CCDC15: variants seen among roughly 807,000 people sequenced by gnomAD.
The protein encoded by CCDC15 is coiled-coil domain containing 15, also known as coiled-coil domain-containing protein 15.
In CCDC15, 105 loss-of-function variants were observed where a neutral mutation model predicts 114.5. The observed-to-expected ratio is 0.92, with a 90% CI of 0.78 to 1.08. The LOEUF (loss-of-function observed/expected upper bound fraction) is 1.08. Among genes scored for constraint, CCDC15 ranks in the 50% least tolerant of loss-of-function variants. The probability of loss-of-function intolerance (pLI) is 0.00; values close to 1 mark genes in which losing one functional copy is unlikely to be tolerated. For synonymous variants in CCDC15, 334 were observed against 377.8 expected, an observed-to-expected ratio of 0.88 and a Z score of 1.34; for missense variants, 1,105 against 1,093.6, an observed-to-expected ratio of 1.01 and a Z score of -0.15.
intron 13 of CCDC15, among the ~76,000 whole-genome samples, chr11:125,027,125 T>G (rs1280317532): frequency 1.3e-5 from 2 of 152,218 alleles, no homozygotes; most frequent in Non-Finnish European, 2.9e-5. Context: ...ACGTTTTCTT[T>G]ATCCACTCAT....
chr11:125,028,714 C>T (rs9971559), intron 13 of CCDC15, among the ~76,000 whole-genome samples: 26,691 of 151,910 alleles, frequency 0.18, 2,561 homozygotes, highest in African/African-American at 0.24. Context: ...TTAGGGTTTT[C>T]TAGGTATATG....
At position 124,954,709 on chromosome 11, in the gene CCDC15, C is replaced by A. The variant is rs761650807; in HGVS notation, c.-9-15C>A. The A allele has an allele frequency of 9.3e-6, 15 of 1,610,596 alleles. No homozygotes were observed. The South Asian group carries it at 1.7e-4, about 18-fold the overall frequency. On this transcript the variant is annotated splice_polypyrimidine_tract_variant and intron_variant, in intron 1 of 15. Transcript: ENST00000344762. ...GTCATTTGAAGATTTTAAGCTTTTT[C>A]TTTCTCCTAATCAGGAGTCACAGAT...
intron 11 of CCDC15, among the ~76,000 whole-genome samples, chr11:124,998,822 C>G (rs1336686951): frequency 1.3e-5 from 2 of 150,470 alleles, no homozygotes; most frequent in African/African-American, 4.9e-5. Flanking sequence ...ACTGCAACCT[C>G]TGCTTCCCCA....
At chr11:125,024,149 T>A (rs969494461) in intron 13 of CCDC15, among the ~76,000 whole-genome samples, 11 of 152,044 alleles carry the variant, frequency 7.2e-5, no homozygotes, top group African/African-American at 2.2e-4. Flanking sequence ...TATATATGCA[T>A]GTATTCCCAG....
rs117389961 is a variant in CCDC15, at chr11:124,979,733, C to T, written c.753+2133C>T. On this transcript the variant is annotated intron_variant, in intron 6 of 15. Transcript: ENST00000344762. ...GCAAATAGGGATAGTTTGACTTCCT[C>T]TCTTCCTACTTGGATGTCATTTTTT... Among the ~76,000 whole-genome samples the T allele has an allele frequency of 5.3e-5, 8 of 152,272 alleles. No homozygotes were observed. The East Asian group carries it at 5.8e-4, about 11-fold the overall frequency.
Position 124,959,797 on chromosome 11 carries a change from C to T in CCDC15, c.328-18C>T, listed in dbSNP as rs1203834815. 1.3e-6 allele frequency: 2 copies of T among 1,567,838 alleles called. No individual in the cohort carries two copies. On this transcript the variant is annotated intron_variant, in intron 3 of 15. Transcript: ENST00000344762. ...ATTGGGGTAGAATGTTACTATCCCC[C>T]TTTCTTCTTTCGTGTAGGCACAAAA...
intron 13 of CCDC15, among the ~76,000 whole-genome samples, chr11:125,023,956 G>A (rs1483440620): frequency 2.0e-5 from 3 of 151,960 alleles, no homozygotes; most frequent in Non-Finnish European, 4.4e-5. Flanking sequence ...GGTTGCTAGG[G>A]CTAGAGGTGA....
intron 13 of CCDC15, among the ~76,000 whole-genome samples, chr11:125,019,324 A>T (rs868090223): frequency 1.3e-5 from 2 of 152,080 alleles, no homozygotes; most frequent in South Asian, 4.1e-4. Flanking sequence ...CTGAGTGCTT[A>T]GAATGTGCTA....
At chr11:125,029,710 G>A (rs10893314) in intron 13 of CCDC15, among the ~76,000 whole-genome samples, 40,510 of 152,030 alleles carry the variant, frequency 0.27, 6,407 homozygotes, top group African/African-American at 0.44. Context: ...CAAGCACCTC[G>A]GAGAGTCTTG....
chr11:124,972,885 C>A (rs994543265), intron 4 of CCDC15, among the ~76,000 whole-genome samples: 3 of 152,136 alleles, frequency 2.0e-5, no homozygotes, highest in African/African-American at 7.2e-5. Context: ...GCATTTAGGA[C>A]CCGTATGGAT....
At chr11:124,956,729 T>G (rs139830653) in intron 2 of CCDC15, among the ~76,000 whole-genome samples, 499 of 152,342 alleles carry the variant, frequency 3.3e-3, no homozygotes, top group Admixed American at 7.1e-3. Flanking sequence ...TTTAAAAATT[T>G]CTGATCAGTT....
intron 9 of CCDC15, 45 bp from the exon 10 acceptor site, chr11:124,992,535 A>T (rs371820475): frequency 1.7e-6 from 2 of 1,181,004 alleles, no homozygotes; most frequent in South Asian, 2.7e-5. Context: ...GCATTACACA[A>T]TTTTTTTTCT....
chr11:125,016,487 G>A (rs985333424), intron 13 of CCDC15, among the ~76,000 whole-genome samples: 4 of 152,036 alleles, frequency 2.6e-5, no homozygotes, highest in African/African-American at 7.2e-5. Context: ...TGTTTTTAAT[G>A]TTCTTTAGAG....
chr11:124,975,014 G>GTT (rs1947950065), intron 4 of CCDC15, 82 bp from the exon 5 acceptor site: 1 of 781,670 alleles, frequency 1.3e-6, no homozygotes, highest in South Asian at 2.1e-5. Context: ...ATAGGGACCT[G>GTT]TTTTCCTGTT....
intron 13 of CCDC15, among the ~76,000 whole-genome samples, chr11:125,018,552 T>G (rs1948642686): frequency 6.6e-6 from 1 of 152,032 alleles, no homozygotes; most frequent in South Asian, 2.1e-4. Flanking sequence ...GAGATATGTT[T>G]CCAAGTCCCA....
chr11:125,027,002 C>T (rs1340501503), intron 13 of CCDC15, among the ~76,000 whole-genome samples: 1 of 152,148 alleles, frequency 6.6e-6, no homozygotes, highest in Non-Finnish European at 1.5e-5. Flanking sequence ...GTTTTCCATT[C>T]CTGAGTTACT....
chr11:125,033,362 G>C (rs1347927719), intron 13 of CCDC15, among the ~76,000 whole-genome samples: 1 of 152,138 alleles, frequency 6.6e-6, no homozygotes, highest in Non-Finnish European at 1.5e-5. Context: ...TGCCCATCTT[G>C]CCTTTGATGG....
rs61912662 is a variant in CCDC15, at chr11:124,995,206, C to T, written c.2214+1963C>T. 5.7e-3 allele frequency among the ~76,000 whole-genome samples: 873 copies of T among 152,228 alleles called. 3 individuals carry two copies. The highest frequency in any genetic ancestry group is 9.6e-3 in the Non-Finnish European group (652 of 68,018). On this transcript the variant is annotated intron_variant, in intron 11 of 15. Coordinates refer to ENST00000344762, the MANE Select transcript of CCDC15 (RefSeq NM_025004.3). Reference sequence around the variant, plus strand: ...TCCCTTTTTTCTTCATAAAGTCGGTCCCTTCTTATCCTTCGGGTTTCAGCT... The same window carrying T: ...TCCCTTTTTTCTTCATAAAGTCGGTTCCTTCTTATCCTTCGGGTTTCAGCT...
At chr11:125,033,269 GATTA>G (rs1353735842) in intron 13 of CCDC15, among the ~76,000 whole-genome samples, 1 of 152,174 alleles carries the variant, frequency 6.6e-6, no homozygotes, top group Non-Finnish European at 1.5e-5. Context: ...GAAACACCGT[GATTA>G]ATTAGCCAGT....
Sources: allele counts gnomAD v4.1 joint callset (sites outside exome capture counted in the v4.1 genomes callset), GRCh38; gene constraint gnomAD v4.1.1; transcripts MANE v1.5; gene names NCBI Gene and HGNC (gene_info 2026-07-23, HGNC 2026-07-21).